KIAA1958: variants seen among roughly 807,000 people sequenced by gnomAD.
The protein encoded by KIAA1958 is uncharacterized protein KIAA1958.
A neutral mutation model predicts 47.2 loss-of-function variants in KIAA1958; 14 were observed. The observed-to-expected ratio is 0.30, with a 90% confidence interval of 0.20 to 0.46. The LOEUF (loss-of-function observed/expected upper bound fraction) is 0.46. Ranked by LOEUF, KIAA1958 falls within the 20% of genes least tolerant of loss-of-function variation. The pLI is 1.00. For synonymous variants in KIAA1958, 354 were observed against 353.3 expected, an observed-to-expected ratio of 1.00 and a Z score of -0.02; for missense variants, 803 against 909.2, an observed-to-expected ratio of 0.88 and a Z score of 1.50.
chr9:112,603,686 C>T (rs1011991071), intron 2 of KIAA1958, among the ~76,000 whole-genome samples: 2 of 152,160 alleles, frequency 1.3e-5, no homozygotes, highest in African/African-American at 4.8e-5. Flanking sequence ...GTGTATTAAT[C>T]ATCTACCTAT....
At chr9:112,607,428 A>C (rs774553174) in intron 2 of KIAA1958, among the ~76,000 whole-genome samples, 4 of 152,064 alleles carry the variant, frequency 2.6e-5, no homozygotes, top group Non-Finnish European at 5.9e-5. Flanking sequence ...GTCCATGCTC[A>C]GTGGTAAAAT....
At chr9:112,507,522 A>T (rs1363706047) in intron 1 of KIAA1958, among the ~76,000 whole-genome samples, 1 of 151,686 alleles carries the variant, frequency 6.6e-6, no homozygotes, top group Non-Finnish European at 1.5e-5. Context: ...TTAATTTTTT[A>T]TTTTTTTATA....
At chr9:112,545,070 G>A (rs908084464) in intron 1 of KIAA1958, among the ~76,000 whole-genome samples, 1 of 151,986 alleles carries the variant, frequency 6.6e-6, no homozygotes, top group Non-Finnish European at 1.5e-5. Flanking sequence ...AAAACCTCAA[G>A]GACTATTGAT....
intron 1 of KIAA1958, among the ~76,000 whole-genome samples, chr9:112,508,804 T>C (rs1402945209): frequency 1.3e-5 from 2 of 152,312 alleles, no homozygotes; most frequent in East Asian, 3.9e-4. Context: ...TGTGTAATTT[T>C]TTTTTCTAAT....
Position 112,496,898 on chromosome 9 carries a change from G to A in KIAA1958, c.-25+9780G>A, listed in dbSNP as rs114854203. Among the ~76,000 whole-genome samples the A allele has an allele frequency of 2.7e-3, 405 of 152,246 alleles. 2 individuals carry two copies. The highest frequency in any genetic ancestry group is 9.3e-3 in the African/African-American group (385 of 41,546). ...CTTCATCTGACCAGTTGCTTATTCT[G>A]TGTAGGTTCTGTTTTTTGGGCATTT... On this transcript the variant is annotated intron_variant, in intron 1 of 3. Transcript: ENST00000337530.
chr9:112,627,010 G>T lies in KIAA1958; in HGVS notation c.1172-18640G>T, dbSNP rs185113984. 4.6e-5 allele frequency among the ~76,000 whole-genome samples: 7 copies of T among 152,234 alleles called. No individual in the cohort carries two copies. In the East Asian group the frequency reaches 9.7e-4, roughly 21 times the overall value. Reference sequence around the variant, plus strand: ...TTAAACTGAAAAACTGTGTTAAAAGGCTGTGCCAGTCAACATTTCTATGTG... The same window carrying T: ...TTAAACTGAAAAACTGTGTTAAAAGTCTGTGCCAGTCAACATTTCTATGTG... On this transcript the variant is annotated intron_variant, in intron 2 of 3. Transcript: ENST00000337530.
In KIAA1958 at chr9:112,668,053, T is replaced by G. The variant is rs1426793150; in HGVS notation, c.*7984T>G. ...ATACCACAGCATCATGTTTCTTCATTTTTATTACCGAAATAATGTATAAAT... is the reference window on the plus strand; with the variant it reads ...ATACCACAGCATCATGTTTCTTCATGTTTATTACCGAAATAATGTATAAAT... On this transcript the variant is annotated 3_prime_UTR_variant, in exon 4 of 4. Coordinates refer to ENST00000337530, the MANE Select transcript of KIAA1958 (RefSeq NM_133465.4). 6.6e-6 allele frequency: 1 copy of G among 152,272 alleles called. No homozygotes were observed. Among genetic ancestry groups the G allele is most frequent in the Non-Finnish European group, 1.5e-5 (1 of 68,046 alleles). 9.4% of individuals were successfully genotyped at this position (152,272 alleles called of 1,614,324 possible).
intron 1 of KIAA1958, among the ~76,000 whole-genome samples, chr9:112,560,957 A>G (rs10759579): frequency 0.26 from 39,926 of 151,896 alleles, 5,270 homozygotes; most frequent in Middle Eastern, 0.4. Flanking sequence ...TTCTTCAGCA[A>G]TTAACTTAAA....
At chr9:112,643,248 C>T (rs1159514501) in intron 2 of KIAA1958, among the ~76,000 whole-genome samples, 2 of 152,182 alleles carry the variant, frequency 1.3e-5, no homozygotes, top group Non-Finnish European at 2.9e-5. Context: ...CAAATCCTGG[C>T]TCTTCCACTT....
chr9:112,570,720 C>T (rs961072138), intron 1 of KIAA1958, among the ~76,000 whole-genome samples: 1 of 152,134 alleles, frequency 6.6e-6, no homozygotes, highest in Non-Finnish European at 1.5e-5. Context: ...AGAGACAGAA[C>T]TAATAGAATA....
At chr9:112,608,760 T>C (rs1427401869) in intron 2 of KIAA1958, among the ~76,000 whole-genome samples, 2 of 151,944 alleles carry the variant, frequency 1.3e-5, no homozygotes, top group African/African-American at 4.8e-5. Context: ...GGATTTAAGC[T>C]GGGTGGGGTG....
chr9:112,646,755 CA>C (rs1277733121), intron 3 of KIAA1958, among the ~76,000 whole-genome samples: 1 of 152,104 alleles, frequency 6.6e-6, no homozygotes, highest in Non-Finnish European at 1.5e-5. Flanking sequence ...CTCTAAAAAA[CA>C]AACAGGAAAA....
At chr9:112,498,557 T>C (rs1834082520) in intron 1 of KIAA1958, among the ~76,000 whole-genome samples, 1 of 152,142 alleles carries the variant, frequency 6.6e-6, no homozygotes, top group South Asian at 2.1e-4. Context: ...CTTTTAAAGT[T>C]TTTTTATGTT....
In KIAA1958 at chr9:112,534,452, A is replaced by G. The variant is rs141283452; in HGVS notation, c.-24-39605A>G. The stretch of plus-strand genomic sequence containing the variant: ...AGTAAGATTGTGTATTTTCAAATAC[A>G]TTTTGTGAGCATTCGTTGATGTTTT... On this transcript the variant is annotated intron_variant, in intron 1 of 3. Transcript: ENST00000337530. 2.4e-4 allele frequency among the ~76,000 whole-genome samples: 36 copies of G among 152,202 alleles called. No individual in the cohort carries two copies. The East Asian group carries it at 6.4e-3, about 27-fold the overall frequency.
At chr9:112,566,836 G>C (rs149309916) in intron 1 of KIAA1958, among the ~76,000 whole-genome samples, 1 of 152,226 alleles carries the variant, frequency 6.6e-6, no homozygotes, top group African/African-American at 2.4e-5. Context: ...GCATGAACAG[G>C]TTTTCTAACA....
intron 1 of KIAA1958, among the ~76,000 whole-genome samples, chr9:112,525,644 A>G (rs1198204937): frequency 6.6e-6 from 1 of 152,178 alleles, no homozygotes; most frequent in East Asian, 1.9e-4. Context: ...TACCTATTAT[A>G]TGAAGGGAAA....
intron 1 of KIAA1958, among the ~76,000 whole-genome samples, chr9:112,528,842 C>T (rs1038772924): frequency 6.6e-6 from 1 of 152,062 alleles, no homozygotes; most frequent in African/African-American, 2.4e-5. Flanking sequence ...TTTTGAGTCC[C>T]CAGCATTCAG....
rs1588042343 is a variant in KIAA1958 at position 112,618,600 on chromosome 9, A to C, written c.1172-27050A>C. On this transcript the variant is annotated intron_variant, in intron 2 of 3. Transcript: ENST00000337530. The surrounding 1 kb of genome is among the most constrained non-coding windows in gnomAD (Gnocchi z 7.1). ...CGGCGGCCTCCCGCCATGCGCTACG[A>C]GGATGCCCCTTTCTACTTATCCATC... 6.4e-7 allele frequency: 1 copy of C among 1,550,682 alleles called. No homozygotes were observed. The highest frequency in any genetic ancestry group is 8.7e-7 in the Non-Finnish European group (1 of 1,147,010).
At chr9:112,504,098 A>G (rs1276951103) in intron 1 of KIAA1958, among the ~76,000 whole-genome samples, 1 of 152,170 alleles carries the variant, frequency 6.6e-6, no homozygotes, top group Non-Finnish European at 1.5e-5. Context: ...ATGGTGGGCA[A>G]CAGTGTCTTA....
Sources: gnomAD v4.1 joint callset for allele counts (sites outside exome capture counted in the v4.1 genomes callset) on GRCh38, gnomAD v4.1.1 for gene constraint, Gnocchi (gnomAD v3.1) non-coding constraint, MANE v1.5 for transcripts, NCBI Gene and HGNC (gene_info 2026-07-23, HGNC 2026-07-21) for gene names.